IFT88: variants seen among roughly 807,000 people sequenced by gnomAD.
The protein encoded by IFT88 is intraflagellar transport protein 88 homolog.
IFT88 carries 74 observed loss-of-function variants against 119.5 expected under a neutral mutation model. The ratio of observed to expected loss-of-function variants is 0.62; its 90% CI spans 0.51 to 0.75. IFT88 has a LOEUF of 0.75. IFT88 is among the 30% of genes least tolerant of loss of function. The pLI is 0.00. For synonymous variants in IFT88, 279 were observed against 316.7 expected, an observed-to-expected ratio of 0.88 and a Z score of 1.26; for missense variants, 961 against 977.7, an observed-to-expected ratio of 0.98 and a Z score of 0.23.
intron 24 of IFT88, among the ~76,000 whole-genome samples, chr13:20,681,943 T>C (rs1438832223): frequency 6.6e-6 from 1 of 152,222 alleles, no homozygotes; most frequent in Non-Finnish European, 1.5e-5. Context: ...CTACAGCTGG[T>C]TTAGATTTAG....
chr13:20,606,654 A>G (rs2043522076), intron 13 of IFT88, among the ~76,000 whole-genome samples: 1 of 152,192 alleles, frequency 6.6e-6, no homozygotes, highest in African/African-American at 2.4e-5. Context: ...TGAGCCGGGT[A>G]GATAACCTGA....
At chr13:20,643,706 T>A in intron 19 of IFT88, 101 bp downstream of exon 19, 1 of 774,810 alleles carries the variant, frequency 1.3e-6, no homozygotes. Flanking sequence ...TTACCAGTTT[T>A]AAAATGATTT....
At chr13:20,683,495 A>G (rs771374398) in intron 24 of IFT88, among the ~76,000 whole-genome samples, 1 of 152,180 alleles carries the variant, frequency 6.6e-6, no homozygotes, top group Non-Finnish European at 1.5e-5. Context: ...GTTATAATTG[A>G]CTGGATAGTC....
chr13:20,619,480 G>T (rs934079530), intron 14 of IFT88, among the ~76,000 whole-genome samples: 1 of 152,006 alleles, frequency 6.6e-6, no homozygotes, highest in South Asian at 2.1e-4. Context: ...GAATCATACC[G>T]TACATATTCT....
chr13:20,629,172 T>G (rs1293956632), intron 15 of IFT88, among the ~76,000 whole-genome samples: 18 of 152,198 alleles, frequency 1.2e-4, no homozygotes, highest in Admixed American at 1.2e-3. Context: ...CACCATTTAT[T>G]ATGACACAGT....
At chr13:20,623,310 C>A (rs888393243) in intron 14 of IFT88, among the ~76,000 whole-genome samples, 1 of 152,066 alleles carries the variant, frequency 6.6e-6, no homozygotes, top group Non-Finnish European at 1.5e-5. Flanking sequence ...CTTGAAATTG[C>A]GTATGAATTT....
chr13:20,611,680 C>A (rs1408236088), intron 13 of IFT88, among the ~76,000 whole-genome samples: 1 of 152,104 alleles, frequency 6.6e-6, no homozygotes, highest in Non-Finnish European at 1.5e-5. Flanking sequence ...TCTCAGCTCA[C>A]TGCAACCTCC....
intron 24 of IFT88, among the ~76,000 whole-genome samples, chr13:20,677,168 C>G (rs1258921591): frequency 6.6e-6 from 1 of 152,122 alleles, no homozygotes; most frequent in African/African-American, 2.4e-5. Context: ...TCACTGAGTC[C>G]CTCCAGAGTC....
At chr13:20,605,893 G>T (rs1457149113) in intron 13 of IFT88, among the ~76,000 whole-genome samples, 2 of 152,188 alleles carry the variant, frequency 1.3e-5, no homozygotes, top group African/African-American at 4.8e-5. Context: ...GGCAGAATAT[G>T]GGGGAAGTAG....
intron 1 of IFT88, among the ~76,000 whole-genome samples, chr13:20,572,942 A>G (rs1593643713): frequency 6.6e-6 from 1 of 152,150 alleles, no homozygotes; most frequent in South Asian, 2.1e-4. Flanking sequence ...ATTGCTGGAT[A>G]GTACTTCATT....
chr13:20,685,696 A>C (rs2057836313), intron 24 of IFT88, among the ~76,000 whole-genome samples: 1 of 152,200 alleles, frequency 6.6e-6, no homozygotes, highest in African/African-American at 2.4e-5. Flanking sequence ...CCTAGCCAAC[A>C]TGGTGAGACC....
intron 24 of IFT88, among the ~76,000 whole-genome samples, chr13:20,673,768 CCTTT>C (rs1186850272): frequency 6.6e-6 from 1 of 152,156 alleles, no homozygotes; most frequent in African/African-American, 2.4e-5. Context: ...AATCTATTTT[CCTTT>C]CTTTCTTCCA....
At chr13:20,666,947 A>T (rs2054806253) in intron 23 of IFT88, among the ~76,000 whole-genome samples, 1 of 152,168 alleles carries the variant, frequency 6.6e-6, no homozygotes, top group South Asian at 2.1e-4. Context: ...GACTTTTTTT[A>T]AAACACAAAT....
At chr13:20,688,409 A>T (rs2058170807) in intron 24 of IFT88, among the ~76,000 whole-genome samples, 1 of 152,324 alleles carries the variant, frequency 6.6e-6, no homozygotes, top group East Asian at 1.9e-4. Context: ...GTAGAAAACA[A>T]GAAGAGCTCT....
chr13:20,591,403 T>A (rs569501415), intron 5 of IFT88, among the ~76,000 whole-genome samples: 144 of 152,284 alleles, frequency 9.5e-4, no homozygotes, highest in Admixed American at 1.7e-3. Context: ...TAATTTTTTT[T>A]AAAACTATAG....
At chr13:20,589,715 CTTTA>C in intron 3 of IFT88, 92 bp from the exon 4 acceptor site, 1 of 546,650 alleles carries the variant, frequency 1.8e-6, no homozygotes, top group South Asian at 3.5e-5. Context: ...ATAAATATTT[CTTTA>C]TTTATGAGTC....
chr13:20,628,578 A>AT (rs1263113374), intron 15 of IFT88, among the ~76,000 whole-genome samples: 2 of 152,192 alleles, frequency 1.3e-5, no homozygotes, highest in Non-Finnish European at 2.9e-5. Flanking sequence ...TTTTATGTAG[A>AT]TTTATGGACA....
At chr13:20,604,870 A>C (rs982409159) in intron 12 of IFT88, among the ~76,000 whole-genome samples, 165 bp from the exon 13 acceptor site, 3 of 152,074 alleles carry the variant, frequency 2.0e-5, no homozygotes, top group Non-Finnish European at 4.4e-5. Context: ...TGGGAGGATC[A>C]CCTGAGCCCA....
chr13:20,567,832 C>G, intron 1 of IFT88: 1 of 1,145,936 alleles, frequency 8.7e-7, no homozygotes, highest in Non-Finnish European at 1.2e-6. Flanking sequence ...TACACTTTTA[C>G]TAGTCCGATT....
Sources: gnomAD v4.1 joint callset for allele counts (sites outside exome capture counted in the v4.1 genomes callset) on GRCh38, gnomAD v4.1.1 for gene constraint, MANE v1.5 for transcripts, NCBI Gene and HGNC (gene_info 2026-07-23, HGNC 2026-07-21) for gene names.